The following BIRC6 variants were observed in gnomAD, a reference collection of about 807,000 sequenced individuals.
The protein encoded by BIRC6 is dual E2 ubiquitin-conjugating enzyme/E3 ubiquitin-protein ligase BIRC6.
BIRC6 carries 98 observed loss-of-function variants against 503.3 expected under a neutral mutation model. The observed-to-expected ratio is 0.19, with a 90% CI of 0.17 to 0.23. The LOEUF is 0.23. Ranked by LOEUF, BIRC6 falls within the 10% of genes least tolerant of loss-of-function variation. The pLI is 1.00. For missense variants in BIRC6, 5,360 were observed against 5,806.0 expected (o/e 0.92, Z 2.50); for synonymous variants, 2,240 against 2,078.7 (o/e 1.08, Z -2.11).
intron 45 of BIRC6, among the ~76,000 whole-genome samples, chr2:32,498,311 C>T (rs905195138): frequency 4.6e-5 from 7 of 152,140 alleles, no homozygotes; most frequent in Non-Finnish European, 1.0e-4. Context: ...GCAATCCACC[C>T]GTGTCACTGG....
chr2:32,549,366 G>A lies in BIRC6; in HGVS notation c.13029G>A (p.Gln4343=). The change falls in exon 65 of 74, where the codon CAG becomes CAA. Residue 4343 remains glutamine (Q), a synonymous_variant. Coordinates refer to ENST00000421745, the MANE Select transcript of BIRC6 (RefSeq NM_016252.4). ...PVSSAVNGEA[Q]SSHETRGQNS... is the part of the protein sequence containing the mutation. ...GTAGTGCGGTAAATGGAGAAGCTCAGTCATCTCATGAGACTAGAGGGCAGA... is the reference window on the plus strand; with the variant it reads ...GTAGTGCGGTAAATGGAGAAGCTCAATCATCTCATGAGACTAGAGGGCAGA... 1 of 1,500,448 alleles carries A rather than the reference G, an allele frequency of 6.7e-7. No individual in the cohort carries two copies. Among genetic ancestry groups the A allele is most frequent in the South Asian group, 1.4e-5 (1 of 73,214 alleles). 92.9% of individuals were successfully genotyped at this position (1,500,448 alleles called of 1,614,324 possible). A position where few individuals can be genotyped will look rare whatever the true frequency, so the allele number is the denominator to read the frequency against.
At chr2:32,440,148 G>C (rs375468404) in intron 16 of BIRC6, among the ~76,000 whole-genome samples, 1 of 152,286 alleles carries the variant, frequency 6.6e-6, no homozygotes, top group East Asian at 1.9e-4. Flanking sequence ...AAAGTGCTGG[G>C]GTTACAGGCG....
intron 9 of BIRC6, among the ~76,000 whole-genome samples, chr2:32,408,669 T>G (rs2041521846): frequency 6.6e-6 from 1 of 152,360 alleles, no homozygotes; most frequent in South Asian, 2.1e-4. Flanking sequence ...TATGCCTGTT[T>G]GATTTTTCAC....
At chr2:32,422,260 A>G (rs2043026931) in intron 10 of BIRC6, among the ~76,000 whole-genome samples, 1 of 152,134 alleles carries the variant, frequency 6.6e-6, no homozygotes, top group African/African-American at 2.4e-5. Flanking sequence ...TTAAATTTGA[A>G]TGACTTTACG....
At chr2:32,395,095 G>A (rs1179515406) in intron 5 of BIRC6, among the ~76,000 whole-genome samples, 6 of 152,224 alleles carry the variant, frequency 3.9e-5, no homozygotes, top group Non-Finnish European at 8.8e-5. Context: ...GGAGCTTGCA[G>A]TGAGCCGAGA....
chr2:32,462,414 G>C (rs1029485558), intron 23 of BIRC6, among the ~76,000 whole-genome samples: 11 of 152,142 alleles, frequency 7.2e-5, no homozygotes, highest in African/African-American at 2.7e-4. Context: ...AAAGAAATCT[G>C]TTGTAGGGTT....
chr2:32,608,833 G>T (rs1158895473), intron 72 of BIRC6, among the ~76,000 whole-genome samples: 1 of 152,088 alleles, frequency 6.6e-6, no homozygotes, highest in Non-Finnish European at 1.5e-5. Context: ...CTTGCAAATA[G>T]AAATTTTGCC....
chr2:32,516,515 C>CAA (rs540024426), intron 55 of BIRC6, among the ~76,000 whole-genome samples: 30 of 51,124 alleles, frequency 5.9e-4, no homozygotes, highest in East Asian at 5.7e-4. Context: ...GACTCTGTCT[C>CAA]AAAAAAAAAA....
At chr2:32,360,850 G>A (rs570408973) in intron 1 of BIRC6, among the ~76,000 whole-genome samples, 1 of 152,162 alleles carries the variant, frequency 6.6e-6, no homozygotes, top group Non-Finnish European at 1.5e-5. Context: ...TTGTTTATTT[G>A]TTTATATATC....
At chr2:32,382,595 G>A (rs995343211) in intron 3 of BIRC6, among the ~76,000 whole-genome samples, 1 of 152,226 alleles carries the variant, frequency 6.6e-6, no homozygotes, top group Non-Finnish European at 1.5e-5. Flanking sequence ...GAGAATTAAA[G>A]GGTAGATTTG....
At chr2:32,401,040 G>A (rs2040551170) in intron 6 of BIRC6, 123 bp from the exon 7 acceptor site, 2 of 771,990 alleles carry the variant, frequency 2.6e-6, no homozygotes, top group Admixed American at 2.8e-5. Context: ...GTTATATTAA[G>A]TCTTTAATGA....
chr2:32,429,411 G>T (rs567093629), intron 11 of BIRC6, 116 bp downstream of exon 11: 57 of 760,692 alleles, frequency 7.5e-5, no homozygotes, highest in Non-Finnish European at 1.0e-4. Context: ...AACCTGTATG[G>T]TATGTTACTC....
At chr2:32,530,135 A>ATTGAG (rs1289989704) in intron 60 of BIRC6, among the ~76,000 whole-genome samples, 1 of 152,196 alleles carries the variant, frequency 6.6e-6, no homozygotes, top group African/African-American at 2.4e-5. Context: ...TATAATTTAT[A>ATTGAG]TTGAGTGGCA....
chr2:32,430,259 G>A (rs2043949451), intron 11 of BIRC6, among the ~76,000 whole-genome samples: 1 of 152,126 alleles, frequency 6.6e-6, no homozygotes, highest in Non-Finnish European at 1.5e-5. Flanking sequence ...TTTCACTGAT[G>A]TGAATACATG....
At chr2:32,408,911 A>G (rs1427659166) in intron 9 of BIRC6, among the ~76,000 whole-genome samples, 1 of 152,176 alleles carries the variant, frequency 6.6e-6, no homozygotes, top group African/African-American at 2.4e-5. Context: ...TGTATCTTCT[A>G]AACTAATTTT....
Position 32,485,689 on chromosome 2 carries a change from G to A in BIRC6, c.7743G>A (p.Leu2581=). The A allele has an allele frequency of 6.2e-7, 1 of 1,613,766 alleles. No individual in the cohort carries two copies. Among genetic ancestry groups the A allele is most frequent in the Non-Finnish European group, 8.5e-7 (1 of 1,179,730 alleles). ...TTGGACTTGAACAGCAAGCAGAACTGATGTTGAAAATGATGTCTACTCTGG... is the reference window on the plus strand; with the variant it reads ...TTGGACTTGAACAGCAAGCAGAACTAATGTTGAAAATGATGTCTACTCTGG... ...LEVGLEQQAE[L]MLKMMSTLEA... is the part of the protein sequence containing the mutation. The change falls in exon 40 of 74, where the codon CTG becomes CTA. Residue 2581 remains leucine, a synonymous_variant. Coordinates refer to ENST00000421745, the MANE Select transcript of BIRC6 (RefSeq NM_016252.4).
chr2:32,529,042 G>T (rs1350559284), intron 59 of BIRC6: 1 of 152,098 alleles, frequency 6.6e-6, no homozygotes, highest in African/African-American at 2.4e-5. Context: ...CCATTTTCAT[G>T]CTGTATTAAA....
At chr2:32,386,236 A>G (rs1437183779) in intron 3 of BIRC6, among the ~76,000 whole-genome samples, 1 of 152,152 alleles carries the variant, frequency 6.6e-6, no homozygotes, top group Non-Finnish European at 1.5e-5. Context: ...AGATAGAAAA[A>G]TATTGGATAG....
At position 32,377,717 on chromosome 2, in the gene BIRC6, C is replaced by T; in HGVS notation, c.455C>T (p.Thr152Ile). ...GILLLDTALQ[T>I]PVSKQDDVVQ... ...TTGTTGTTAGACACTGCTCTGCAAACTCCAGTTTCAAAGCAGGATGATGTG... is the reference window on the plus strand; with the variant it reads ...TTGTTGTTAGACACTGCTCTGCAAATTCCAGTTTCAAAGCAGGATGATGTG... Residue 152 changes from threonine to isoleucine, a missense_variant, in exon 2 of 74, where the codon ACT becomes ATT. By Grantham distance (89) the Thr-to-Ile change is moderately conservative (BLOSUM62 -1). Coordinates refer to ENST00000421745, the MANE Select transcript of BIRC6 (RefSeq NM_016252.4). 1 of 1,613,582 alleles carries T rather than the reference C, an allele frequency of 6.2e-7. No homozygotes were observed.
Sources: gnomAD v4.1 joint callset for allele counts (sites outside exome capture counted in the v4.1 genomes callset) on GRCh38, gnomAD v4.1.1 for gene constraint, MANE v1.5 for transcripts, NCBI Gene and HGNC (gene_info 2026-07-23, HGNC 2026-07-21) for gene names.